Variants in FGD5 observed in about 807,000 individuals in gnomAD.
FGD5 encodes FYVE, RhoGEF and PH domain containing 5.
FGD5 carries 28 observed loss-of-function variants against 133.4 expected under a neutral mutation model. The ratio of observed to expected loss-of-function variants is 0.21; its 90% CI spans 0.16 to 0.29. The LOEUF (loss-of-function observed/expected upper bound fraction) is 0.29. Among genes scored for constraint, FGD5 ranks in the 10% least tolerant of loss-of-function variants. FGD5 has a pLI of 1.00. For missense variants in FGD5, 1,858 were observed against 1,895.2 expected (o/e 0.98, Z 0.36); for synonymous variants, 810 against 776.5 (o/e 1.04, Z -0.72).
At chr3:14,838,347 C>G (rs1210710361) in intron 1 of FGD5, among the ~76,000 whole-genome samples, 2 of 152,202 alleles carry the variant, frequency 1.3e-5, no homozygotes, top group African/African-American at 4.8e-5. Flanking sequence ...CAAGGGTAAT[C>G]TCCACGTTAT....
chr3:14,811,779 C>G (rs2036298202), intron 1 of FGD5, among the ~76,000 whole-genome samples: 1 of 152,178 alleles, frequency 6.6e-6, no homozygotes, highest in South Asian at 2.1e-4. Flanking sequence ...AAGGGGAGGG[C>G]AGAAAGTTCC....
intron 12 of FGD5, among the ~76,000 whole-genome samples, chr3:14,918,456 TG>T (rs2038604863): frequency 6.6e-6 from 1 of 152,190 alleles, no homozygotes; most frequent in Non-Finnish European, 1.5e-5. Context: ...GAAAAAGGCA[TG>T]GGAGACGTGG....
chr3:14,895,028 C>G (rs760933671), intron 4 of FGD5, among the ~76,000 whole-genome samples: 1 of 152,116 alleles, frequency 6.6e-6, no homozygotes, highest in Non-Finnish European at 1.5e-5. Flanking sequence ...CTGTTTAGAT[C>G]TTTTGCCCAT....
chr3:14,829,737 T>C (rs1299661413), intron 1 of FGD5, among the ~76,000 whole-genome samples: 1 of 152,112 alleles, frequency 6.6e-6, no homozygotes, highest in Non-Finnish European at 1.5e-5. Flanking sequence ...GTATGGGCCA[T>C]CCAGACCGAG....
chr3:14,906,572 C>T (rs947434000), intron 9 of FGD5, among the ~76,000 whole-genome samples: 3 of 152,220 alleles, frequency 2.0e-5, no homozygotes, highest in African/African-American at 7.2e-5. Flanking sequence ...CTGCCTTTCT[C>T]GTGGGCACGT....
At chr3:14,855,480 T>C (rs938204231) in intron 1 of FGD5, among the ~76,000 whole-genome samples, 2 of 152,240 alleles carry the variant, frequency 1.3e-5, no homozygotes, top group Admixed American at 1.3e-4. Flanking sequence ...ATCAGCAGTG[T>C]AGAAGAGTTC....
intron 2 of FGD5, among the ~76,000 whole-genome samples, chr3:14,873,614 C>G (rs1294399216): frequency 6.6e-6 from 1 of 152,128 alleles, no homozygotes; most frequent in Non-Finnish European, 1.5e-5. Context: ...CTGCTAATCA[C>G]AATCACAGTC....
At chr3:14,839,523 A>G (rs777644099) in intron 1 of FGD5, among the ~76,000 whole-genome samples, 16 of 152,234 alleles carry the variant, frequency 1.1e-4, no homozygotes, top group African/African-American at 3.4e-4. Flanking sequence ...GGGGCACAGC[A>G]CAGGGGCACA....
chr3:14,820,574 C>A lies in FGD5; in HGVS notation c.1503C>A (p.Thr501=), dbSNP rs114002769. Residue 501 remains threonine (T), a synonymous_variant, in exon 1 of 20, where the codon ACC becomes ACA. Transcript: ENST00000285046. The part of the protein sequence containing the change: ...GYVPETVPEE[T]GPEAGSSAPG... ...TCCCAGAAACCGTCCCTGAAGAAAC[C>A]GGACCTGAGGCGGGCTCGTCAGCCC... The A allele has an allele frequency of 6.2e-7, 1 of 1,610,794 alleles. No homozygotes were observed. Among genetic ancestry groups the A allele is most frequent in the African/African-American group, 1.3e-5 (1 of 74,838 alleles).
intron 18 of FGD5, among the ~76,000 whole-genome samples, chr3:14,929,422 C>G (rs896562300): frequency 1.1e-4 from 17 of 152,158 alleles, no homozygotes; most frequent in South Asian, 1.0e-3. Flanking sequence ...AATTGTGAGG[C>G]CTTTTTCCAA....
intron 1 of FGD5, among the ~76,000 whole-genome samples, chr3:14,844,211 AAAAAAAATATATATAT>A (rs1323770348): frequency 4.8e-5 from 2 of 41,462 alleles, no homozygotes; most frequent in African/African-American, 9.1e-5. Context: ...CATTAAAAAA[AAAAAAAATATATATAT>A]ATATATATAT....
chr3:14,867,097 G>T (rs1420605069), intron 2 of FGD5, among the ~76,000 whole-genome samples: 1 of 152,202 alleles, frequency 6.6e-6, no homozygotes, highest in Non-Finnish European at 1.5e-5. Context: ...CACTTTAATT[G>T]CACAAGGCAT....
chr3:14,894,497 TGTTA>T (rs1427731118), intron 4 of FGD5, among the ~76,000 whole-genome samples: 36 of 143,126 alleles, frequency 2.5e-4, no homozygotes, highest in African/African-American at 5.2e-5. Flanking sequence ...CTAGAGCATT[TGTTA>T]GTTCTTTTTT....
At chr3:14,825,917 A>G (rs552246454) in intron 1 of FGD5, among the ~76,000 whole-genome samples, 1 of 152,304 alleles carries the variant, frequency 6.6e-6, no homozygotes, top group South Asian at 2.1e-4. Flanking sequence ...GAGCTTCACA[A>G]GGGGAAAGAA....
intron 4 of FGD5, among the ~76,000 whole-genome samples, chr3:14,896,277 A>G (rs181952396): frequency 1.3e-3 from 201 of 152,258 alleles, no homozygotes; most frequent in Non-Finnish European, 2.3e-3. Context: ...ACAAAAATAG[A>G]AAAAAAGTCC....
At chr3:14,898,263 A>G (rs1317574354) in intron 6 of FGD5, among the ~76,000 whole-genome samples, 168 bp downstream of exon 6, 1 of 152,156 alleles carries the variant, frequency 6.6e-6, no homozygotes, top group Non-Finnish European at 1.5e-5. Flanking sequence ...AGGAGAACCC[A>G]GAATTCAGAA....
intron 1 of FGD5, among the ~76,000 whole-genome samples, chr3:14,829,291 G>T (rs2036662154): frequency 6.6e-6 from 1 of 152,184 alleles, no homozygotes; most frequent in Non-Finnish European, 1.5e-5. Flanking sequence ...GCCATCCCCT[G>T]GGCAGGGGGG....
chr3:14,923,065 C>G lies in FGD5; in HGVS notation c.3827C>G (p.Ser1276Trp). 1 of 1,613,794 alleles carries G rather than the reference C, an allele frequency of 6.2e-7. No individual in the cohort carries two copies. The highest frequency in any genetic ancestry group is 1.1e-5 in the South Asian group (1 of 91,064). The change falls in exon 16 of 20, where the codon TCG becomes TGG. Residue 1276 changes from serine (S) to tryptophan (W), a missense_variant. Ser to Trp is a radical substitution (Grantham distance 177, BLOSUM62 -3). Coordinates refer to ENST00000285046, the MANE Select transcript of FGD5 (RefSeq NM_152536.4). ...ACGKIVCRNCSRNKYPLKYLK... is the reference protein window; with the variant it reads ...ACGKIVCRNCWRNKYPLKYLK... Reference sequence around the variant, plus strand: ...CTGCAGATCGTGTGCCGGAACTGTTCGCGGAACAAGTACCCGCTGAAGTAC... The same window carrying G: ...CTGCAGATCGTGTGCCGGAACTGTTGGCGGAACAAGTACCCGCTGAAGTAC...
At chr3:14,858,425 G>A (rs1252829112) in intron 1 of FGD5, among the ~76,000 whole-genome samples, 3 of 152,026 alleles carry the variant, frequency 2.0e-5, no homozygotes, top group South Asian at 2.1e-4. Context: ...ATGGGTGAAT[G>A]AGTGGATGGG....
Sources: gnomAD v4.1 joint callset for allele counts (sites outside exome capture counted in the v4.1 genomes callset) on GRCh38, gnomAD v4.1.1 for gene constraint, MANE v1.5 for transcripts, NCBI Gene and HGNC (gene_info 2026-07-23, HGNC 2026-07-21) for gene names.